Variants in UACA observed in about 807,000 individuals in gnomAD.
UACA encodes nuclear membrane binding protein.
Under a neutral mutation model 160.5 loss-of-function variants are expected in UACA, and 112 were observed. The observed-to-expected ratio is 0.70, with a 90% CI of 0.60 to 0.82. The LOEUF (loss-of-function observed/expected upper bound fraction) is 0.82. UACA is among the 40% of genes least tolerant of loss of function. The pLI is 0.00. For missense variants in UACA, 1,574 were observed against 1,614.6 expected (o/e 0.97, Z 0.43); for synonymous variants, 557 against 568.4 (o/e 0.98, Z 0.29).
chr15:70,743,172 A>T (rs964485174), intron 1 of UACA, among the ~76,000 whole-genome samples: 1 of 152,218 alleles, frequency 6.6e-6, no homozygotes, highest in Non-Finnish European at 1.5e-5. Flanking sequence ...TCAAGCCAGC[A>T]ACAGGAAAAG....
intron 1 of UACA, among the ~76,000 whole-genome samples, chr15:70,710,706 T>C (rs993525770): frequency 2.0e-5 from 3 of 152,212 alleles, no homozygotes; most frequent in African/African-American, 7.2e-5. Context: ...TCGTTTATTG[T>C]AAAGGATGTT....
intron 1 of UACA, among the ~76,000 whole-genome samples, chr15:70,722,770 C>T (rs1411627219): frequency 6.6e-6 from 1 of 152,086 alleles, no homozygotes; most frequent in Admixed American, 6.5e-5. Flanking sequence ...GATGAATATT[C>T]CTGACTGAGC....
intron 16 of UACA, among the ~76,000 whole-genome samples, chr15:70,665,431 G>A (rs901301569): frequency 6.6e-6 from 1 of 152,066 alleles, no homozygotes; most frequent in Non-Finnish European, 1.5e-5. Context: ...GGTGAAAGGT[G>A]GACAATCTTT....
At chr15:70,689,250 T>C in intron 5 of UACA, among the ~76,000 whole-genome samples, 1 of 152,166 alleles carries the variant, frequency 6.6e-6, no homozygotes, top group East Asian at 1.9e-4. Context: ...GAGTGACCTG[T>C]CAATATATAT....
At chr15:70,682,650 T>G (rs1171167596) in intron 9 of UACA, 108 bp downstream of exon 9, 13 of 555,124 alleles carry the variant, frequency 2.3e-5, no homozygotes, top group African/African-American at 9.9e-5. Flanking sequence ...AGAAGAGAGA[T>G]AGAACGCATT....
chr15:70,736,137 G>A (rs1899358060), intron 1 of UACA, among the ~76,000 whole-genome samples: 1 of 152,192 alleles, frequency 6.6e-6, no homozygotes, highest in African/African-American at 2.4e-5. Context: ...TGTGGAAACT[G>A]AAAGTTAATG....
chr15:70,759,028 ATCACG>A (rs2030588499), intron 1 of UACA, among the ~76,000 whole-genome samples: 2 of 152,246 alleles, frequency 1.3e-5, no homozygotes, highest in Non-Finnish European at 2.9e-5. Context: ...GGCATGCACC[ATCACG>A]TCGGGCTAAT....
Position 70,656,058 on chromosome 15 carries a change from AGTTTACT to A in UACA, c.*991_*997del, listed in dbSNP as rs1266285437. 3 of 152,302 alleles carry A rather than the reference AGTTTACT, an allele frequency of 2.0e-5. No individual in the cohort carries two copies. The highest frequency in any genetic ancestry group is 1.3e-4 in the Admixed American group (2 of 15,302). The allele number at this position is 152,302 out of a possible 1,614,324, so 9.4% of individuals were successfully genotyped here. On this transcript the variant is annotated 3_prime_UTR_variant, in exon 19 of 19. Transcript: ENST00000322954. ...TTTATTGCTATCTATATACTCTTTC[AGTTTACT>A]GTATTACTGTACTTTTCTCTAAAAC...
At chr15:70,722,906 C>T (rs1451981788) in intron 1 of UACA, among the ~76,000 whole-genome samples, 1 of 152,106 alleles carries the variant, frequency 6.6e-6, no homozygotes, top group East Asian at 1.9e-4. Context: ...ACTAACTTAT[C>T]ATTACTAAAA....
intron 1 of UACA, among the ~76,000 whole-genome samples, chr15:70,725,521 A>G (rs957222243): frequency 7.2e-5 from 11 of 152,234 alleles, no homozygotes; most frequent in Admixed American, 1.3e-4. Flanking sequence ...GAAGTAGCCA[A>G]TACTTTAGGA....
intron 1 of UACA, among the ~76,000 whole-genome samples, chr15:70,725,524 C>T (rs1899118695): frequency 6.6e-6 from 1 of 152,162 alleles, no homozygotes; most frequent in Non-Finnish European, 1.5e-5. Context: ...GTAGCCAATA[C>T]TTTAGGAAAA....
intron 1 of UACA, among the ~76,000 whole-genome samples, chr15:70,725,595 AAGG>A: frequency 6.6e-6 from 1 of 152,324 alleles, no homozygotes; most frequent in Non-Finnish European, 1.5e-5. Flanking sequence ...TTCTAACCTT[AAGG>A]AGGACCTCTC....
At chr15:70,663,990 G>A (rs532909396) in intron 17 of UACA, among the ~76,000 whole-genome samples, 2 of 152,072 alleles carry the variant, frequency 1.3e-5, no homozygotes, top group Non-Finnish European at 2.9e-5. Flanking sequence ...TGCACGTTGT[G>A]CACATGTACC....
At chr15:70,682,230 A>G (rs998475881) in intron 9 of UACA, among the ~76,000 whole-genome samples, 1 of 152,252 alleles carries the variant, frequency 6.6e-6, no homozygotes, top group East Asian at 1.9e-4. Flanking sequence ...AAGTGTTGTT[A>G]TTCCGTAAAG....
At chr15:70,659,037 A>C (rs1231641395) in intron 18 of UACA, among the ~76,000 whole-genome samples, 1 of 152,180 alleles carries the variant, frequency 6.6e-6, no homozygotes, top group East Asian at 1.9e-4. Context: ...TCTCATGGCC[A>C]ATACTAGTGA....
intron 17 of UACA, among the ~76,000 whole-genome samples, chr15:70,662,494 A>G (rs1896745553): frequency 6.6e-6 from 1 of 152,334 alleles, no homozygotes; most frequent in African/African-American, 2.4e-5. Flanking sequence ...CTTTCTTCAC[A>G]GAATTGGAAA....
At chr15:70,687,478 G>A (rs1452636146) in intron 7 of UACA, 62 bp downstream of exon 7, 1 of 1,495,900 alleles carries the variant, frequency 6.7e-7, no homozygotes, top group African/African-American at 1.4e-5. Context: ...CTGCTGCTTT[G>A]ACTTGGCCTT....
the UACA span, among the ~76,000 whole-genome samples, chr15:70,771,892 G>C: frequency 1.3e-5 from 2 of 152,334 alleles, no homozygotes; most frequent in South Asian, 2.1e-4. Flanking sequence ...AGTGTGGCTG[G>C]AGCATAGTGG....
rs1897149320 is a variant in UACA at position 70,671,839 on chromosome 15, C to T, written c.1168+126G>A. ...CTTAACGTCTTCCTAGTTCCATGTG[C>T]TGATGAAGTTTAGCAGCAGGAATAT... On this transcript the variant is annotated intron_variant, in intron 14 of 18. Transcript: ENST00000322954. The T allele has an allele frequency of 1.1e-5, 7 of 618,202 alleles. No homozygotes were observed. In the South Asian group the frequency reaches 3.0e-4, roughly 27 times the overall value. The allele number at this position is 618,202 out of a possible 1,614,324, so 38.3% of individuals were successfully genotyped here.
Sources: allele counts gnomAD v4.1 joint callset (sites outside exome capture counted in the v4.1 genomes callset), GRCh38; gene constraint gnomAD v4.1.1; transcripts MANE v1.5; gene names NCBI Gene and HGNC (gene_info 2026-07-23, HGNC 2026-07-21).